The following PLXNA2 variants were observed in gnomAD, a reference collection of about 807,000 sequenced individuals.
The protein encoded by PLXNA2 is plexin-A2.
PLXNA2 carries 91 observed loss-of-function variants against 193.5 expected under a neutral mutation model. The ratio of observed to expected loss-of-function variants is 0.47; its 90% CI spans 0.40 to 0.56. PLXNA2 has a LOEUF of 0.56. Ranked by LOEUF, PLXNA2 falls within the 20% of genes least tolerant of loss-of-function variation. The pLI, the probability that PLXNA2 is intolerant of heterozygous loss-of-function variation, is 0.00. For missense variants in PLXNA2, 1,995 were observed against 2,503.2 expected (o/e 0.80, Z 4.33); for synonymous variants, 997 against 1,027.3 (o/e 0.97, Z 0.56).
At chr1:208,125,762 G>A (rs976137380) in intron 4 of PLXNA2, among the ~76,000 whole-genome samples, 2 of 152,136 alleles carry the variant, frequency 1.3e-5, no homozygotes, top group Admixed American at 1.3e-4. Flanking sequence ...TTGAGTTCTG[G>A]CTGCACAAAT....
intron 4 of PLXNA2, among the ~76,000 whole-genome samples, chr1:208,129,743 C>T (rs1668091092): frequency 6.6e-6 from 1 of 152,186 alleles, no homozygotes; most frequent in South Asian, 2.1e-4. Context: ...CAGCACTCTG[C>T]ATACTGTATT....
At position 208,210,319 on chromosome 1, in the gene PLXNA2, G is replaced by A. The variant is rs759135591; in HGVS notation, c.1332C>T (p.Ser444=). 16 of 1,613,802 alleles carry A rather than the reference G, an allele frequency of 9.9e-6. No individual in the cohort carries two copies. In the East Asian group the frequency reaches 1.8e-4, roughly 18 times the overall value. ...CACTCTTAGTCCCCACAAAAACCAC[G>A]CTGTAGCCGTTGTAAACGTAGGAGG... ...SVASYVYNGY[S]VVFVGTKSGK... The change falls in exon 3 of 32, where the codon AGC becomes AGT. Residue 444 remains serine, a synonymous_variant. Transcript: ENST00000367033.
At chr1:208,050,054 G>C (rs1015969496) in intron 17 of PLXNA2, among the ~76,000 whole-genome samples, 2 of 152,162 alleles carry the variant, frequency 1.3e-5, no homozygotes, top group African/African-American at 4.8e-5. Context: ...CAACATATCA[G>C]ACATTCTATC....
In PLXNA2 at chr1:208,136,154, C is replaced by T. The variant is rs545823775; in HGVS notation, c.1506+6175G>A. Reference sequence around the variant, plus strand: ...GATTCTAGCCCCTTGTCCTTCTAGTCAGTCCCAGCCATTTGTGTCATCCTA... The same window carrying T: ...GATTCTAGCCCCTTGTCCTTCTAGTTAGTCCCAGCCATTTGTGTCATCCTA... On this transcript the variant is annotated intron_variant, in intron 4 of 31. Coordinates refer to ENST00000367033, the MANE Select transcript of PLXNA2 (RefSeq NM_025179.4). Among the ~76,000 whole-genome samples, 13 of 152,332 alleles carry T rather than the reference C, an allele frequency of 8.5e-5. 1 individual carries two copies. The South Asian group carries it at 2.7e-3, about 32-fold the overall frequency.
intron 8 of PLXNA2, among the ~76,000 whole-genome samples, chr1:208,093,668 A>G (rs1666783463): frequency 1.3e-5 from 2 of 152,220 alleles, no homozygotes; most frequent in African/African-American, 4.8e-5. Context: ...AGCTAATAGT[A>G]TTAAGTAGTA....
intron 28 of PLXNA2, 32 bp downstream of exon 28, chr1:208,033,287 G>T: frequency 6.3e-7 from 1 of 1,578,356 alleles, no homozygotes; most frequent in Non-Finnish European, 8.7e-7. Flanking sequence ...CCTTTAACAA[G>T]CACTCCCTGG....
rs1307078835 is a variant in PLXNA2, at chr1:208,051,062, C to A, written c.3202G>T (p.Val1068Phe). The A allele has an allele frequency of 6.2e-7, 1 of 1,614,062 alleles. No individual in the cohort carries two copies. Among genetic ancestry groups the A allele is most frequent in the African/African-American group, 1.3e-5 (1 of 74,924 alleles). ...PLTITGFNLDVIQEPRIRVKF... is the reference protein window; with the variant it reads ...PLTITGFNLDFIQEPRIRVKF... ...ACTCGGATCCTTGGCTCCTGAATGACATCCAGGTTGAAGCCTGTGATGGTC... is the reference window on the plus strand; with the variant it reads ...ACTCGGATCCTTGGCTCCTGAATGAAATCCAGGTTGAAGCCTGTGATGGTC... The change falls in exon 17 of 32, where the codon GTC becomes TTC. Residue 1068 changes from valine (V) to phenylalanine (F), a missense_variant. Physicochemically the swap from Val to Phe is conservative, Grantham distance 50. Coordinates refer to ENST00000367033, the MANE Select transcript of PLXNA2 (RefSeq NM_025179.4).
At chr1:208,126,498 T>G (rs182282687) in intron 4 of PLXNA2, among the ~76,000 whole-genome samples, 1 of 152,338 alleles carries the variant, frequency 6.6e-6, no homozygotes, top group East Asian at 1.9e-4. Context: ...TCAATTTGTT[T>G]GTTGAATGTT....
At chr1:208,146,846 T>G (rs1372039308) in intron 3 of PLXNA2, among the ~76,000 whole-genome samples, 4 of 151,906 alleles carry the variant, frequency 2.6e-5, no homozygotes, top group Non-Finnish European at 5.9e-5. Context: ...GTGGAATGAG[T>G]CACTGGAGTG....
intron 3 of PLXNA2, among the ~76,000 whole-genome samples, chr1:208,160,553 A>C (rs1036522861): frequency 1.3e-5 from 2 of 152,238 alleles, no homozygotes; most frequent in African/African-American, 4.8e-5. Flanking sequence ...ATCTCATTCA[A>C]TCTGCCCAAC....
intron 1 of PLXNA2, among the ~76,000 whole-genome samples, chr1:208,227,440 G>A (rs1013597876): frequency 6.6e-6 from 1 of 152,154 alleles, no homozygotes; most frequent in Non-Finnish European, 1.5e-5. Flanking sequence ...CAAGATTCTC[G>A]AGGCCCATGC....
At chr1:208,159,083 G>A (rs899532647) in intron 3 of PLXNA2, among the ~76,000 whole-genome samples, 1 of 152,170 alleles carries the variant, frequency 6.6e-6, no homozygotes, top group Non-Finnish European at 1.5e-5. Flanking sequence ...AATATGGCAG[G>A]TGACAACAAA....
intron 4 of PLXNA2, among the ~76,000 whole-genome samples, chr1:208,141,051 A>C (rs1451452626): frequency 6.6e-6 from 1 of 152,180 alleles, no homozygotes; most frequent in East Asian, 1.9e-4. Context: ...CAAAATTCCC[A>C]TCTGGACCTG....
chr1:208,043,672 A>G lies in PLXNA2; in HGVS notation c.3875-469T>C, dbSNP rs115587016. 5.4e-3 allele frequency among the ~76,000 whole-genome samples: 829 copies of G among 152,282 alleles called. 6 individuals carry two copies. Among genetic ancestry groups the G allele is most frequent in the Non-Finnish European group, 9.2e-3 (627 of 68,028 alleles). ...GCTGAGAGCCGAGTTTGGGAAGGCA[A>G]GGGCTTCAGAAGCCTCACCTTGGTG... On this transcript the variant is annotated intron_variant, in intron 20 of 31. Coordinates refer to ENST00000367033, the MANE Select transcript of PLXNA2 (RefSeq NM_025179.4).
chr1:208,096,240 G>C (rs1666882539), intron 7 of PLXNA2, 115 bp from the exon 8 acceptor site: 1 of 785,950 alleles, frequency 1.3e-6, no homozygotes, highest in Admixed American at 2.0e-5. Flanking sequence ...TTAGGATGTA[G>C]ATACTATGTG....
intron 8 of PLXNA2, among the ~76,000 whole-genome samples, chr1:208,094,001 C>T (rs1199425278): frequency 6.6e-6 from 1 of 152,140 alleles, no homozygotes; most frequent in Non-Finnish European, 1.5e-5. Flanking sequence ...CAGGGGTCAC[C>T]GGCTCACAGG....
intron 3 of PLXNA2, among the ~76,000 whole-genome samples, chr1:208,173,957 T>A (rs1669577422): frequency 1.3e-5 from 2 of 152,204 alleles, no homozygotes; most frequent in South Asian, 4.1e-4. Flanking sequence ...ATGTGGTGCA[T>A]GTGCGCACCC....
In PLXNA2 at chr1:208,177,321, C is replaced by A. The variant is rs572559391; in HGVS notation, c.1371+32959G>T. 6.4e-4 allele frequency among the ~76,000 whole-genome samples: 97 copies of A among 152,164 alleles called. 1 individual carries two copies. The highest frequency in any genetic ancestry group is 3.4e-3 in the Middle Eastern group (1 of 294). On this transcript the variant is annotated intron_variant, in intron 3 of 31. Coordinates refer to ENST00000367033, the MANE Select transcript of PLXNA2 (RefSeq NM_025179.4). ...CCAAGCAGAGGACTGATTAGCAAAACAAATTCTGGAACTAGACTGCCTGGT... is the reference window on the plus strand; with the variant it reads ...CCAAGCAGAGGACTGATTAGCAAAAAAAATTCTGGAACTAGACTGCCTGGT...
At chr1:208,186,873 C>A (rs1405047409) in intron 3 of PLXNA2, among the ~76,000 whole-genome samples, 3 of 150,902 alleles carry the variant, frequency 2.0e-5, no homozygotes, top group Non-Finnish European at 4.4e-5. Flanking sequence ...GCGCCCGCCA[C>A]CGCGCCCGGC....
Sources: gnomAD v4.1 joint callset for allele counts (sites outside exome capture counted in the v4.1 genomes callset) on GRCh38, gnomAD v4.1.1 for gene constraint, MANE v1.5 for transcripts, NCBI Gene and HGNC (gene_info 2026-07-23, HGNC 2026-07-21) for gene names.